Variants in RALGPS1 observed in about 807,000 individuals in gnomAD.
RALGPS1 encodes the protein Ral GEF with PH domain and SH3 binding motif 1, also known as ras-specific guanine nucleotide-releasing factor RalGPS1.
In RALGPS1, 19 loss-of-function variants were observed where a neutral mutation model predicts 78.8. That is an observed-to-expected ratio of 0.24 (90% confidence interval 0.17 to 0.35). RALGPS1 has a LOEUF of 0.35. Among genes scored for constraint, RALGPS1 ranks in the 10% least tolerant of loss-of-function variants. The pLI is 1.00. For missense variants in RALGPS1, 454 were observed against 688.3 expected (o/e 0.66, Z 3.81); for synonymous variants, 228 against 256.3 (o/e 0.89, Z 1.06).
At position 127,166,058 on chromosome 9, in the gene RALGPS1, T is replaced by C; in HGVS notation, c.611-11T>C. 1 of 1,598,308 alleles carries C rather than the reference T, an allele frequency of 6.3e-7. No homozygotes were observed. Among genetic ancestry groups the C allele is most frequent in the Non-Finnish European group, 8.5e-7 (1 of 1,173,682 alleles). On this transcript the variant is annotated splice_polypyrimidine_tract_variant and intron_variant, in intron 8 of 18. Coordinates refer to ENST00000259351, the MANE Select transcript of RALGPS1 (RefSeq NM_014636.3). Reference sequence around the variant, plus strand: ...GCTCCTTCCATCATGAAATATCTTCTTTAATTTTAGGAATCTATCTTCTGG... The same window carrying C: ...GCTCCTTCCATCATGAAATATCTTCCTTAATTTTAGGAATCTATCTTCTGG...
chr9:127,096,732 C>T (rs1224595534), intron 8 of RALGPS1, among the ~76,000 whole-genome samples: 2 of 152,220 alleles, frequency 1.3e-5, no homozygotes, highest in East Asian at 3.8e-4. Flanking sequence ...CACAGACTCA[C>T]ACAATTCTGT....
chr9:127,128,844 G>T (rs1032273105), intron 8 of RALGPS1, among the ~76,000 whole-genome samples: 3 of 152,232 alleles, frequency 2.0e-5, no homozygotes, highest in South Asian at 2.1e-4. Context: ...TCCAGGCACC[G>T]TGCAAAGCCC....
At position 127,016,125 on chromosome 9, in the gene RALGPS1, C is replaced by T. The variant is rs564969394; in HGVS notation, c.217-18306C>T. 2.0e-5 allele frequency among the ~76,000 whole-genome samples: 3 copies of T among 152,192 alleles called. No homozygotes were observed. The East Asian group carries it at 5.8e-4, about 29-fold the overall frequency. ...TCCTTCCCTGCCACCCCACTGTTTCCTGTCTCCTGCCACACCAGATTGTCT... is the reference window on the plus strand; with the variant it reads ...TCCTTCCCTGCCACCCCACTGTTTCTTGTCTCCTGCCACACCAGATTGTCT... On this transcript the variant is annotated intron_variant, in intron 4 of 18. Transcript: ENST00000259351.
At chr9:127,146,805 A>G (rs532387338) in intron 8 of RALGPS1, among the ~76,000 whole-genome samples, 26 of 152,274 alleles carry the variant, frequency 1.7e-4, no homozygotes, top group African/African-American at 5.8e-4. Context: ...CAGCTTCTCA[A>G]AGTGCTGAGA....
intron 11 of RALGPS1, among the ~76,000 whole-genome samples, chr9:127,187,431 A>G (rs1204662790): frequency 6.6e-6 from 1 of 152,258 alleles, no homozygotes; most frequent in Admixed American, 6.5e-5. Flanking sequence ...TCCAGCGTGC[A>G]GTAGCTCTGT....
At chr9:127,071,782 T>C (rs1383728152) in intron 8 of RALGPS1, among the ~76,000 whole-genome samples, 1 of 152,242 alleles carries the variant, frequency 6.6e-6, no homozygotes, top group Non-Finnish European at 1.5e-5. Context: ...TTTCAAGGGC[T>C]TAGGCTTTTG....
intron 5 of RALGPS1, among the ~76,000 whole-genome samples, chr9:127,048,490 G>A (rs907960523): frequency 6.6e-6 from 1 of 152,130 alleles, no homozygotes; most frequent in Non-Finnish European, 1.5e-5. Context: ...TTTCAGGAAG[G>A]TCTGGGCTCC....
At chr9:127,071,288 T>C (rs1485440497) in intron 8 of RALGPS1, among the ~76,000 whole-genome samples, 1 of 152,168 alleles carries the variant, frequency 6.6e-6, no homozygotes, top group Non-Finnish European at 1.5e-5. Context: ...ACACTGTCTT[T>C]CTGCTTTTTA....
intron 4 of RALGPS1, among the ~76,000 whole-genome samples, chr9:127,026,290 G>T (rs111478952): frequency 1.3e-5 from 2 of 152,138 alleles, no homozygotes; most frequent in Non-Finnish European, 2.9e-5. Flanking sequence ...TATTCTAGCC[G>T]CATTGGCAGC....
chr9:127,012,770 T>C (rs543009099), intron 4 of RALGPS1, among the ~76,000 whole-genome samples: 2 of 152,290 alleles, frequency 1.3e-5, no homozygotes, highest in East Asian at 3.9e-4. Flanking sequence ...ATGATCTTCA[T>C]GTGGGGCTGG....
intron 4 of RALGPS1, among the ~76,000 whole-genome samples, chr9:127,003,731 A>G (rs911521982): frequency 1.3e-5 from 2 of 151,290 alleles, no homozygotes; most frequent in African/African-American, 4.9e-5. Flanking sequence ...TTTTATTTTA[A>G]GTTGTGGGAT....
At chr9:127,030,702 A>T (rs559797647) in intron 4 of RALGPS1, among the ~76,000 whole-genome samples, 2 of 151,344 alleles carry the variant, frequency 1.3e-5, no homozygotes, top group South Asian at 4.2e-4. Context: ...CAGGAAGGAG[A>T]AATTGGAGAG....
chr9:127,129,175 G>C lies in RALGPS1; in HGVS notation c.611-36894G>C, dbSNP rs555253139. Among the ~76,000 whole-genome samples the C allele has an allele frequency of 6.6e-5, 10 of 152,304 alleles. No homozygotes were observed. In the South Asian group the frequency reaches 1.7e-3, roughly 25 times the overall value. ...GTAACAGTATTTTAAGGCGTGTCCA[G>C]CTCTCTCATACCATAGCTGGTGCAT... On this transcript the variant is annotated intron_variant, in intron 8 of 18. Transcript: ENST00000259351.
intron 4 of RALGPS1, among the ~76,000 whole-genome samples, chr9:127,033,261 A>G (rs1589126895): frequency 6.6e-6 from 1 of 152,112 alleles, no homozygotes; most frequent in African/African-American, 2.4e-5. Context: ...AGTCCAGGGC[A>G]TTCATCTTGT....
intron 8 of RALGPS1, among the ~76,000 whole-genome samples, chr9:127,114,981 G>A (rs529638029): frequency 6.6e-6 from 1 of 152,314 alleles, no homozygotes; most frequent in African/African-American, 2.4e-5. Flanking sequence ...CAAACCAGTT[G>A]GTAATCCAAG....
chr9:126,982,768 TTTC>T (rs922146136), intron 4 of RALGPS1, among the ~76,000 whole-genome samples: 15 of 151,124 alleles, frequency 9.9e-5, no homozygotes, highest in African/African-American at 2.7e-4. Flanking sequence ...TTTTAAAATA[TTTC>T]TTCTTCTTCT....
In RALGPS1 at chr9:127,212,702, G is replaced by T; in HGVS notation, c.1429G>T (p.Gly477Cys). 2 of 1,612,562 alleles carry T rather than the reference G, an allele frequency of 1.2e-6. No individual in the cohort carries two copies. Among genetic ancestry groups the T allele is most frequent in the South Asian group, 2.2e-5 (2 of 91,008 alleles). The change falls in exon 16 of 19, where the codon GGC becomes TGC. Residue 477 changes from glycine to cysteine, a missense_variant. Transcript: ENST00000259351. The surrounding 1 kb of genome is among the most constrained non-coding windows in gnomAD (Gnocchi z 6.0). ...LLYYGAKSLR[G>C]TDRKHYKSTP... The stretch of plus-strand genomic sequence containing the variant: ...GTACTACGGAGCCAAGTCCTTGCGG[G>T]GCACAGACAGAAAACACGTAAGTCC...
At chr9:126,929,760 G>A (rs2035629021) in intron 1 of RALGPS1, among the ~76,000 whole-genome samples, 1 of 152,100 alleles carries the variant, frequency 6.6e-6, no homozygotes, top group Non-Finnish European at 1.5e-5. Flanking sequence ...CACTGTGCCC[G>A]ACTGATACAA....
In RALGPS1 at chr9:127,222,009, A is replaced by G. The variant is rs955679941; in HGVS notation, c.*3240A>G. The G allele has an allele frequency of 6.6e-6, 1 of 152,196 alleles. No individual in the cohort carries two copies. The highest frequency in any genetic ancestry group is 6.5e-5 in the Admixed American group (1 of 15,288). The allele number at this position is 152,196 out of a possible 1,614,324, so 9.4% of individuals were successfully genotyped here. ...TAAATCAGCTTTACATCATTTTTAC[A>G]TATCAAGTGGTTTCATGTTAAAAAA... On this transcript the variant is annotated 3_prime_UTR_variant, in exon 19 of 19. Transcript: ENST00000259351.
Sources: gnomAD v4.1 joint callset for allele counts (sites outside exome capture counted in the v4.1 genomes callset) on GRCh38, gnomAD v4.1.1 for gene constraint, Gnocchi (gnomAD v3.1) non-coding constraint, MANE v1.5 for transcripts, NCBI Gene and HGNC (gene_info 2026-07-23, HGNC 2026-07-21) for gene names.